The following TANC2 variants were observed in gnomAD, a reference collection of about 807,000 sequenced individuals.
TANC2 encodes the protein protein TANC2.
In TANC2, 26 loss-of-function variants were observed where a neutral mutation model predicts 210.5. The observed-to-expected ratio is 0.12, with a 90% CI of 0.09 to 0.17. TANC2 has a LOEUF of 0.17. Among genes scored for constraint, TANC2 ranks in the 10% least tolerant of loss-of-function variants. The pLI, the probability that TANC2 is intolerant of heterozygous loss-of-function variation, is 1.00. For missense variants in TANC2, 2,129 were observed against 2,608.9 expected, an observed-to-expected ratio of 0.82 and a Z score of 4.01; for synonymous variants, 931 against 967.1, an observed-to-expected ratio of 0.96 and a Z score of 0.69.
chr17:63,024,663 T>A (rs931093474), intron 2 of TANC2, among the ~76,000 whole-genome samples: 14 of 152,246 alleles, frequency 9.2e-5, no homozygotes, highest in Non-Finnish European at 1.6e-4. Flanking sequence ...GCGTGTGTTC[T>A]GTATTTCACA....
At chr17:63,327,731 A>G (rs1190960360) in intron 11 of TANC2, among the ~76,000 whole-genome samples, 1 of 152,156 alleles carries the variant, frequency 6.6e-6, no homozygotes, top group Non-Finnish European at 1.5e-5. Context: ...CATATACACC[A>G]TGGAATACTG....
At chr17:63,265,862 A>G (rs1054397778) in intron 8 of TANC2, among the ~76,000 whole-genome samples, 29 of 152,078 alleles carry the variant, frequency 1.9e-4, no homozygotes, top group Admixed American at 1.5e-3. Flanking sequence ...AGCATGTTGC[A>G]CACTACCCAG....
intron 11 of TANC2, among the ~76,000 whole-genome samples, chr17:63,338,221 A>G (rs1327354426): frequency 7.9e-5 from 12 of 152,214 alleles, no homozygotes; most frequent in Non-Finnish European, 1.8e-4. Context: ...GAACTAATTT[A>G]CACTCCCACC....
chr17:63,176,926 T>C (rs2040604697), intron 5 of TANC2, among the ~76,000 whole-genome samples: 1 of 151,936 alleles, frequency 6.6e-6, no homozygotes, highest in Non-Finnish European at 1.5e-5. Flanking sequence ...ATGTTCAGTA[T>C]CTTGATTTTG....
chr17:63,212,144 C>G (rs983073456), intron 7 of TANC2, among the ~76,000 whole-genome samples: 1 of 151,968 alleles, frequency 6.6e-6, no homozygotes, highest in African/African-American at 2.4e-5. Flanking sequence ...GTTTTCTGTC[C>G]TTGTGATAGT....
At chr17:63,367,465 ATTC>A (rs1014531008) in intron 14 of TANC2, among the ~76,000 whole-genome samples, 18 of 152,282 alleles carry the variant, frequency 1.2e-4, no homozygotes, top group South Asian at 2.1e-4. Flanking sequence ...GCTCAAAACA[ATTC>A]TTCTTCTTCC....
chr17:62,995,951 T>C (rs1420210790), intron 1 of TANC2, among the ~76,000 whole-genome samples: 1 of 152,240 alleles, frequency 6.6e-6, no homozygotes, highest in East Asian at 1.9e-4. Flanking sequence ...AGTTATGTCC[T>C]AGAATATATC....
intron 14 of TANC2, among the ~76,000 whole-genome samples, chr17:63,369,314 T>C (rs1450492155): frequency 1.3e-5 from 2 of 152,190 alleles, no homozygotes; most frequent in South Asian, 4.1e-4. Flanking sequence ...TATGGTGGGC[T>C]CTGGTAGGGA....
In TANC2 at chr17:63,174,398, G is replaced by A. The variant is rs187768027; in HGVS notation, c.434-19593G>A. 2.3e-3 allele frequency among the ~76,000 whole-genome samples: 343 copies of A among 152,288 alleles called. 1 individual carries two copies. The highest frequency in any genetic ancestry group is 3.9e-3 in the Non-Finnish European group (265 of 68,026). On this transcript the variant is annotated intron_variant, in intron 5 of 27. Coordinates refer to ENST00000689528, the Ensembl canonical transcript of TANC2. Reference sequence around the variant, plus strand: ...AAGTTGGAAAACACAAAGTTTCAAAGTGTTGCCCCCCCAAATTGTTGCTCC... The same window carrying A: ...AAGTTGGAAAACACAAAGTTTCAAAATGTTGCCCCCCCAAATTGTTGCTCC...
chr17:63,004,281 C>A (rs2033513457), intron 1 of TANC2, among the ~76,000 whole-genome samples: 1 of 152,104 alleles, frequency 6.6e-6, no homozygotes, highest in Admixed American at 6.5e-5. Context: ...CACTGGTAAC[C>A]AATTACTGGG....
In TANC2 at chr17:63,123,645, C is replaced by T. The variant is rs562377670; in HGVS notation, c.322+24288C>T. On this transcript the variant is annotated intron_variant, in intron 4 of 27. Coordinates refer to ENST00000689528, the Ensembl canonical transcript of TANC2. Reference sequence around the variant, plus strand: ...AAGCTGTAAATTTGGAAGTTATACCCGTAGAGAGTATAGTTAAAACTGTAG... The same window carrying T: ...AAGCTGTAAATTTGGAAGTTATACCTGTAGAGAGTATAGTTAAAACTGTAG... Among the ~76,000 whole-genome samples the T allele has an allele frequency of 7.0e-4, 104 of 148,664 alleles. 1 individual carries two copies. Among genetic ancestry groups the T allele is most frequent in the Non-Finnish European group, 4.4e-4 (30 of 67,434 alleles).
At chr17:63,175,562 G>C (rs1157210946) in intron 5 of TANC2, among the ~76,000 whole-genome samples, 1 of 142,352 alleles carries the variant, frequency 7.0e-6, no homozygotes, top group Non-Finnish European at 1.5e-5. Flanking sequence ...AAAAGATTTA[G>C]ACCTAAATGT....
chr17:63,385,746 C>T (rs1035825535), intron 15 of TANC2, among the ~76,000 whole-genome samples: 8 of 152,226 alleles, frequency 5.3e-5, no homozygotes, highest in Non-Finnish European at 7.3e-5. Flanking sequence ...AGCCCAGCCT[C>T]CTCAAGGCCA....
chr17:63,385,282 G>A (rs2047741983), intron 15 of TANC2, among the ~76,000 whole-genome samples: 1 of 152,026 alleles, frequency 6.6e-6, no homozygotes, highest in Admixed American at 6.6e-5. Context: ...TTTTCTCTCT[G>A]AATTCGTTAA....
chr17:63,160,752 C>A (rs1441466991), intron 5 of TANC2, among the ~76,000 whole-genome samples: 1 of 151,990 alleles, frequency 6.6e-6, no homozygotes, highest in African/African-American at 2.4e-5. Context: ...ACATTTCTTC[C>A]AGAAATGTAT....
At chr17:63,280,987 CAT>C in intron 9 of TANC2, among the ~76,000 whole-genome samples, 1 of 152,240 alleles carries the variant, frequency 6.6e-6, no homozygotes, top group Middle Eastern at 3.4e-3. Flanking sequence ...ATAATAAAAA[CAT>C]GTCTGAATTC....
exon 28 of TANC2, chr17:63,427,392 G>T (rs1014756363): frequency 1.3e-5 from 2 of 152,216 alleles, no homozygotes; most frequent in African/African-American, 2.4e-5. Flanking sequence ...GACTTTCTCT[G>T]TACAGTATAT....
intron 3 of TANC2, among the ~76,000 whole-genome samples, chr17:63,089,581 A>T (rs1247579552): frequency 6.6e-6 from 1 of 152,128 alleles, no homozygotes; most frequent in East Asian, 1.9e-4. Flanking sequence ...GATTGACTGT[A>T]TGATCTTTAA....
chr17:63,281,625 T>C (rs1400918362), intron 9 of TANC2, among the ~76,000 whole-genome samples: 2 of 152,134 alleles, frequency 1.3e-5, no homozygotes, highest in Non-Finnish European at 2.9e-5. Flanking sequence ...AAAATGTATC[T>C]GTTAAACCCA....
Sources: allele counts gnomAD v4.1 joint callset (sites outside exome capture counted in the v4.1 genomes callset), GRCh38; gene constraint gnomAD v4.1.1; transcripts MANE v1.5; gene names NCBI Gene and HGNC (gene_info 2026-07-23, HGNC 2026-07-21).